The following TMEM196 variants were observed in gnomAD, a reference collection of about 807,000 sequenced individuals.
TMEM196 encodes transmembrane protein 196.
In TMEM196, 17 loss-of-function variants were observed where a neutral mutation model predicts 20.0. The observed-to-expected ratio is 0.85, with a 90% confidence interval of 0.58 to 1.27. TMEM196 has a LOEUF of 1.27. Among genes scored for constraint, TMEM196 ranks in the 50% most tolerant of loss-of-function variants. The pLI is 0.00. For missense variants in TMEM196, 267 were observed against 223.0 expected (o/e 1.20, Z -1.26); for synonymous variants, 113 against 88.9 (o/e 1.27, Z -1.52).
chr7:19,724,205 A>G, intron 4 of TMEM196, 75 bp downstream of exon 4: 1 of 1,310,346 alleles, frequency 7.6e-7, no homozygotes, highest in Non-Finnish European at 1.1e-6. Flanking sequence ...ATCTGTTGAC[A>G]TCATGGCTTT....
chr7:19,724,322 G>A lies in TMEM196; in HGVS notation c.491C>T (p.Pro164Leu). The change falls in exon 4 of 5, where the codon CCC (proline) becomes CTC (leucine). Residue 164 changes from proline (P) to leucine (L), a missense_variant. By Grantham distance (98) the Pro-to-Leu change is moderately conservative (BLOSUM62 -3). Transcript: ENST00000405844. The part of the protein sequence containing the change: ...RLRAIEITDL[P>L]SCPVVPPTPE... The stretch of plus-strand genomic sequence containing the variant: ...TGTCGGGGGCACCACCGGGCAGCTG[G>A]GCAAGTCGGTTATTTCAATAGCCCT... The A allele has an allele frequency of 6.5e-7, 1 of 1,550,152 alleles. No individual in the cohort carries two copies. Among genetic ancestry groups the A allele is most frequent in the Non-Finnish European group, 8.7e-7 (1 of 1,146,840 alleles).
At chr7:19,772,424 T>G in intron 1 of TMEM196, 126 bp downstream of exon 1, 1 of 1,095,220 alleles carries the variant, frequency 9.1e-7, no homozygotes, top group Non-Finnish European at 1.2e-6. Flanking sequence ...TGAACCTACA[T>G]GCAAGCCAGA....
intron 1 of TMEM196, among the ~76,000 whole-genome samples, chr7:19,770,642 A>G (rs12334267): frequency 0.16 from 24,489 of 152,160 alleles, 2,461 homozygotes; most frequent in East Asian, 0.45. Flanking sequence ...CTATTGTTCT[A>G]GAAACCCAAA....
At chr7:19,750,403 C>T (rs1216897815) in intron 1 of TMEM196, among the ~76,000 whole-genome samples, 1 of 151,582 alleles carries the variant, frequency 6.6e-6, no homozygotes, top group African/African-American at 2.4e-5. Flanking sequence ...AATTGGAAGA[C>T]CTTTTTCTGT....
chr7:19,751,939 C>G (rs1315134935), intron 1 of TMEM196, among the ~76,000 whole-genome samples: 1 of 152,050 alleles, frequency 6.6e-6, no homozygotes, highest in Non-Finnish European at 1.5e-5. Flanking sequence ...ATACACTAAG[C>G]TACAATTAAC....
At chr7:19,772,261 T>C (rs1268209920) in intron 1 of TMEM196, among the ~76,000 whole-genome samples, 1 of 136,062 alleles carries the variant, frequency 7.3e-6, no homozygotes, top group Admixed American at 7.4e-5. Context: ...CAGCCTTTTG[T>C]AGAATCAGCC....
chr7:19,741,653 G>A (rs968631840), intron 1 of TMEM196, among the ~76,000 whole-genome samples: 3 of 152,128 alleles, frequency 2.0e-5, no homozygotes, highest in African/African-American at 7.2e-5. Flanking sequence ...TTGTTGAGAT[G>A]TCAATACAAA....
At chr7:19,757,098 GC>G (rs1451499682) in intron 1 of TMEM196, among the ~76,000 whole-genome samples, 6 of 151,514 alleles carry the variant, frequency 4.0e-5, no homozygotes, top group Non-Finnish European at 7.4e-5. Context: ...AAGGCAGTTT[GC>G]TTTTTACCTG....
At position 19,732,581 on chromosome 7, in the gene TMEM196, A is replaced by AAAC. The variant is rs1554298161; in HGVS notation, c.148-3144_148-3143insGTT. On this transcript the variant is annotated intron_variant, in intron 1 of 4. Coordinates refer to ENST00000405844, the MANE Select transcript of TMEM196 (RefSeq NM_001363562.2). Reference sequence around the variant, plus strand: ...GATCAAGACTCCATCTCAAAAAAAAAAAACAAAAAAAAAAAAAACGGAATG... The same window carrying AAAC: ...GATCAAGACTCCATCTCAAAAAAAAAAACAAACAAAAAAAAAAAAAACGGAATG... Among the ~76,000 whole-genome samples, 388 of 148,792 alleles carry AAAC rather than the reference A, an allele frequency of 2.6e-3. 3 individuals carry two copies. The highest frequency in any genetic ancestry group is 3.5e-3 in the Middle Eastern group (1 of 288).
intron 1 of TMEM196, among the ~76,000 whole-genome samples, chr7:19,730,807 A>G (rs1394646683): frequency 6.6e-6 from 1 of 152,206 alleles, no homozygotes; most frequent in Admixed American, 6.5e-5. Context: ...AATGATTATT[A>G]TGCAGGCAGT....
In TMEM196 at chr7:19,719,987, A is replaced by T. The variant is rs927966234; in HGVS notation, c.*2141T>A. 6.6e-6 allele frequency: 1 copy of T among 152,074 alleles called. No homozygotes were observed. The highest frequency in any genetic ancestry group is 1.5e-5 in the Non-Finnish European group (1 of 67,938). 9.4% of individuals were successfully genotyped at this position (152,074 alleles called of 1,614,324 possible). A position where few individuals can be genotyped will look rare whatever the true frequency, so the allele number is the denominator to read the frequency against. ...AATTTTGTATTGAACAAGCATGTTT[A>T]TAGAGAAATGCTACTGAAAATTAGA... On this transcript the variant is annotated 3_prime_UTR_variant, in exon 5 of 5. Coordinates refer to ENST00000405844, the MANE Select transcript of TMEM196 (RefSeq NM_001363562.2).
In TMEM196 at chr7:19,719,656, C is replaced by G. The variant is rs1783751997; in HGVS notation, c.*2472G>C. On this transcript the variant is annotated 3_prime_UTR_variant, in exon 5 of 5. Transcript: ENST00000405844. ...TCCAGCATGTGGTTCAATGTATTGT[C>G]CAAATTAAAGTTTCAAGCACTTGAA... is the stretch of plus-strand genomic sequence containing the variant. 1 of 151,988 alleles carries G rather than the reference C, an allele frequency of 6.6e-6. No homozygotes were observed. The highest frequency in any genetic ancestry group is 2.4e-5 in the African/African-American group (1 of 41,394). The allele number at this position is 151,988 out of a possible 1,614,324, so 9.4% of individuals were successfully genotyped here.
intron 1 of TMEM196, among the ~76,000 whole-genome samples, chr7:19,770,020 G>A (rs181105682): frequency 5.5e-4 from 83 of 152,144 alleles, no homozygotes; most frequent in South Asian, 2.1e-4. Flanking sequence ...GTAAGTGGTA[G>A]ATCTGGGATT....
intron 1 of TMEM196, among the ~76,000 whole-genome samples, chr7:19,743,422 C>G (rs958543671): frequency 2.0e-5 from 3 of 152,184 alleles, no homozygotes; most frequent in Admixed American, 6.6e-5. Flanking sequence ...AAGAATTTTA[C>G]TCTCACTCTG....
intron 1 of TMEM196, among the ~76,000 whole-genome samples, chr7:19,735,393 A>G (rs910262925): frequency 6.6e-6 from 1 of 152,184 alleles, no homozygotes; most frequent in African/African-American, 2.4e-5. Flanking sequence ...CTCTGTTAGA[A>G]TTTCTCTAAA....
chr7:19,724,568 T>C (rs1481208125), intron 3 of TMEM196, among the ~76,000 whole-genome samples: 1 of 152,220 alleles, frequency 6.6e-6, no homozygotes, highest in Non-Finnish European at 1.5e-5. Flanking sequence ...GTGTTTAAAA[T>C]TGCTTTCTTG....
At chr7:19,758,702 C>T (rs113320830) in intron 1 of TMEM196, among the ~76,000 whole-genome samples, 19 of 152,326 alleles carry the variant, frequency 1.2e-4, no homozygotes, top group African/African-American at 4.6e-4. Flanking sequence ...TTTAATGATG[C>T]TTTCAGTGCA....
chr7:19,732,113 T>C (rs1784224775), intron 1 of TMEM196, among the ~76,000 whole-genome samples: 1 of 152,208 alleles, frequency 6.6e-6, no homozygotes, highest in South Asian at 2.1e-4. Flanking sequence ...CCACAAGTCA[T>C]AATACTGGAA....
At chr7:19,745,998 T>A (rs988563683) in intron 1 of TMEM196, among the ~76,000 whole-genome samples, 22 of 152,074 alleles carry the variant, frequency 1.4e-4, no homozygotes, top group African/African-American at 5.1e-4. Context: ...AAAGGTGAGA[T>A]ACACAGAAGA....
Sources: gnomAD v4.1 joint callset for allele counts (sites outside exome capture counted in the v4.1 genomes callset) on GRCh38, gnomAD v4.1.1 for gene constraint, MANE v1.5 for transcripts, NCBI Gene and HGNC (gene_info 2026-07-23, HGNC 2026-07-21) for gene names.